The following PDE4D variants were observed in gnomAD, a reference collection of about 807,000 sequenced individuals.
PDE4D encodes 3',5'-cyclic-AMP phosphodiesterase 4D.
Under a neutral mutation model 87.4 loss-of-function variants are expected in PDE4D, and 24 were observed. The ratio of observed to expected loss-of-function variants is 0.27; its 90% CI spans 0.20 to 0.39. The LOEUF (loss-of-function observed/expected upper bound fraction) is 0.39. PDE4D is among the 10% of genes least tolerant of loss of function. The probability of loss-of-function intolerance (pLI) is 1.00; values close to 1 mark genes in which losing one functional copy is unlikely to be tolerated. For synonymous variants in PDE4D, 384 were observed against 383.2 expected, an observed-to-expected ratio of 1.00 and a Z score of -0.02; for missense variants, 714 against 1,041.0, an observed-to-expected ratio of 0.69 and a Z score of 4.32.
intron 1 of PDE4D, among the ~76,000 whole-genome samples, chr5:60,404,845 T>C (rs536246512): frequency 1.3e-5 from 2 of 152,338 alleles, no homozygotes; most frequent in South Asian, 4.1e-4. Context: ...TGTAATATTC[T>C]TCCTTTCTCT....
At chr5:59,405,072 T>G (rs1791382649) in intron 1 of PDE4D, among the ~76,000 whole-genome samples, 1 of 139,400 alleles carries the variant, frequency 7.2e-6, no homozygotes, top group Non-Finnish European at 1.5e-5. Context: ...CTGGGTCTTT[T>G]GTGGTTATAC....
At chr5:60,055,100 CA>C (rs1344768293) in intron 2 of PDE4D, among the ~76,000 whole-genome samples, 1 of 152,064 alleles carries the variant, frequency 6.6e-6, no homozygotes, top group African/African-American at 2.4e-5. Context: ...GTTGCATATA[CA>C]TCAGCTTTCC....
chr5:59,681,859 T>C (rs6878075), intron 1 of PDE4D, among the ~76,000 whole-genome samples: 12,402 of 134,350 alleles, frequency 0.092, 1,660 homozygotes, highest in African/African-American at 0.31. Context: ...CGAGGCGGAG[T>C]CACTGCACTC....
chr5:60,024,416 CTG>C (rs1298515861), intron 2 of PDE4D, among the ~76,000 whole-genome samples: 1 of 152,130 alleles, frequency 6.6e-6, no homozygotes, highest in Non-Finnish European at 1.5e-5. Flanking sequence ...AACTGTCACT[CTG>C]TATTTATTGT....
intron 1 of PDE4D, among the ~76,000 whole-genome samples, chr5:60,506,161 A>T (rs1341894077): frequency 1.3e-5 from 2 of 152,208 alleles, no homozygotes; most frequent in Non-Finnish European, 2.9e-5. Context: ...TGCGTAGGGC[A>T]TATAGGAAAG....
At chr5:60,387,461 C>T (rs1203930369) in intron 1 of PDE4D, among the ~76,000 whole-genome samples, 3 of 152,252 alleles carry the variant, frequency 2.0e-5, no homozygotes, top group African/African-American at 4.8e-5. Flanking sequence ...CCAATCTTTG[C>T]GTGTTACCAT....
intron 5 of PDE4D, among the ~76,000 whole-genome samples, chr5:59,141,036 A>C (rs1777819556): frequency 6.6e-6 from 1 of 152,222 alleles, no homozygotes; most frequent in Admixed American, 6.5e-5. Context: ...TGGATATTTG[A>C]CTTATGTGGC....
At chr5:59,650,949 CTT>C (rs1351737551) in intron 1 of PDE4D, among the ~76,000 whole-genome samples, 1 of 152,122 alleles carries the variant, frequency 6.6e-6, no homozygotes, top group African/African-American at 2.4e-5. Flanking sequence ...CATTAATAAA[CTT>C]TTATTTTATA....
chr5:59,922,777 C>A (rs944064514), intron 3 of PDE4D, among the ~76,000 whole-genome samples: 1 of 151,872 alleles, frequency 6.6e-6, no homozygotes, highest in Admixed American at 6.6e-5. Context: ...AGAACATTCC[C>A]AGCTGTAGTA....
At chr5:60,457,108 G>A (rs373873047) in intron 1 of PDE4D, among the ~76,000 whole-genome samples, 2 of 152,162 alleles carry the variant, frequency 1.3e-5, no homozygotes, top group East Asian at 1.9e-4. Flanking sequence ...CAGCCTGCTC[G>A]ACTGAGAGAC....
At chr5:60,165,194 G>C (rs1377799919) in intron 2 of PDE4D, among the ~76,000 whole-genome samples, 1 of 152,122 alleles carries the variant, frequency 6.6e-6, no homozygotes, top group Non-Finnish European at 1.5e-5. Flanking sequence ...CATCCATGTT[G>C]TTGCATGGAT....
At chr5:60,517,220 G>A (rs1750839663) in intron 1 of PDE4D, among the ~76,000 whole-genome samples, 1 of 152,238 alleles carries the variant, frequency 6.6e-6, no homozygotes. Context: ...GCACCAAGGA[G>A]CATGGGAGGG....
At position 58,975,985 on chromosome 5, in the gene PDE4D, T is replaced by C. The variant is rs1417873910; in HGVS notation, c.1831-146A>G. ...TTTATTCCAAACAGCTCAACCATGATGTGTCTGTGTATAGTTCACACTTGT... is the reference window on the plus strand; with the variant it reads ...TTTATTCCAAACAGCTCAACCATGACGTGTCTGTGTATAGTTCACACTTGT... On this transcript the variant is annotated intron_variant, in intron 13 of 14. Transcript: ENST00000340635. This position sits in a 1 kb window ranked among gnomAD's most constrained non-coding sequence, Gnocchi z 4.2. 9 of 631,520 alleles carry C rather than the reference T, an allele frequency of 1.4e-5. No homozygotes were observed. The highest frequency in any genetic ancestry group is 5.9e-5 in the East Asian group (2 of 33,700). 39.1% of individuals were successfully genotyped at this position (631,520 alleles called of 1,614,324 possible). A position where few individuals can be genotyped will look rare whatever the true frequency, so the allele number is the denominator to read the frequency against.
At chr5:59,233,527 C>T (rs1020671051) in intron 1 of PDE4D, among the ~76,000 whole-genome samples, 1 of 152,276 alleles carries the variant, frequency 6.6e-6, no homozygotes, top group East Asian at 1.9e-4. Flanking sequence ...TTGGTTCAGA[C>T]TGGCAATGTC....
chr5:60,388,306 T>C (rs1329302321), intron 1 of PDE4D, among the ~76,000 whole-genome samples: 1 of 152,200 alleles, frequency 6.6e-6, no homozygotes, highest in Admixed American at 6.5e-5. Context: ...TTGGCCTCTC[T>C]GTGTAGCATT....
chr5:59,767,470 TTTC>T lies in PDE4D; in HGVS notation c.455+125695_455+125697del, dbSNP rs574142033. On this transcript the variant is annotated intron_variant, in intron 1 of 14. Coordinates refer to ENST00000340635, the MANE Select transcript of PDE4D (RefSeq NM_001104631.2). ...GATGGTCTGTTTTAATATTTGGGTT[TTTC>T]TTCTTTTTTTTTTTTCCAAGAGCAG... Among the ~76,000 whole-genome samples, 18 of 152,116 alleles carry T rather than the reference TTTC, an allele frequency of 1.2e-4. No individual in the cohort carries two copies. In the South Asian group the frequency reaches 3.1e-3, roughly 26 times the overall value.
chr5:59,085,523 G>A (rs1017346748), intron 5 of PDE4D, among the ~76,000 whole-genome samples: 4 of 152,032 alleles, frequency 2.6e-5, no homozygotes, highest in Non-Finnish European at 5.9e-5. Flanking sequence ...TTATATCCAG[G>A]TTGTTCATGG....
chr5:60,462,777 G>A (rs999436929), intron 1 of PDE4D, among the ~76,000 whole-genome samples: 1 of 152,174 alleles, frequency 6.6e-6, no homozygotes. Flanking sequence ...ATAAATCATT[G>A]CCATCCATTG....
chr5:60,164,624 A>C (rs1484008043), intron 2 of PDE4D, among the ~76,000 whole-genome samples: 1 of 152,238 alleles, frequency 6.6e-6, no homozygotes, highest in Non-Finnish European at 1.5e-5. Context: ...ATGTTAAAAA[A>C]TGAAAACTTG....
Sources: gnomAD v4.1 joint callset for allele counts (sites outside exome capture counted in the v4.1 genomes callset) on GRCh38, gnomAD v4.1.1 for gene constraint, Gnocchi (gnomAD v3.1) non-coding constraint, MANE v1.5 for transcripts, NCBI Gene and HGNC (gene_info 2026-07-23, HGNC 2026-07-21) for gene names.